PTCHD4: variants seen among roughly 807,000 people sequenced by gnomAD.
PTCHD4 encodes patched domain containing 4.
PTCHD4 carries 33 observed loss-of-function variants against 58.1 expected under a neutral mutation model. That is an observed-to-expected ratio of 0.57 (90% CI 0.43 to 0.76). PTCHD4 has a LOEUF of 0.76. Among genes scored for constraint, PTCHD4 ranks in the 30% least tolerant of loss-of-function variants. The pLI, the probability that PTCHD4 is intolerant of heterozygous loss-of-function variation, is 0.00. For synonymous variants in PTCHD4, 478 were observed against 409.6 expected, an observed-to-expected ratio of 1.17 and a Z score of -2.02; for missense variants, 1,058 against 1,027.1, an observed-to-expected ratio of 1.03 and a Z score of -0.41.
In PTCHD4 at chr6:47,959,585, A is replaced by G. The variant is rs1386253165; in HGVS notation, c.898+49049T>C. On this transcript the variant is annotated intron_variant, in intron 4 of 4. Transcript: ENST00000339488. ...CGCAAGAAACTCAAGTGAAAGGAAC[A>G]TGATGAAAACTACAGTGAGGTACAT... Among the ~76,000 whole-genome samples the G allele has an allele frequency of 3.3e-5, 5 of 152,320 alleles. No individual in the cohort carries two copies. The South Asian group carries it at 8.3e-4, about 25-fold the overall frequency.
At chr6:48,015,003 C>T (rs1456652065) in intron 3 of PTCHD4, among the ~76,000 whole-genome samples, 1 of 152,182 alleles carries the variant, frequency 6.6e-6, no homozygotes, top group Non-Finnish European at 1.5e-5. Context: ...ACTAAGGCAA[C>T]TGCCTAGCAA....
chr6:48,014,181 G>A (rs912421722), intron 3 of PTCHD4, among the ~76,000 whole-genome samples: 11 of 152,210 alleles, frequency 7.2e-5, no homozygotes, highest in Middle Eastern at 3.4e-3. Context: ...TTCTGGAATT[G>A]AAAGCTCCAT....
At chr6:48,083,763 C>T (rs1022755289) in intron 1 of PTCHD4, among the ~76,000 whole-genome samples, 1 of 152,140 alleles carries the variant, frequency 6.6e-6, no homozygotes, top group African/African-American at 2.4e-5. Flanking sequence ...AGATTAGCCC[C>T]TGGCTGACAG....
intron 1 of PTCHD4, among the ~76,000 whole-genome samples, chr6:48,097,635 C>T (rs1765501904): frequency 6.6e-6 from 1 of 152,172 alleles, no homozygotes; most frequent in South Asian, 2.1e-4. Flanking sequence ...TGACCAATTA[C>T]TCTATGTCTA....
chr6:47,857,875 A>C lies in PTCHD4; in HGVS notation c.*20428T>G, dbSNP rs1581789025. ...ACCTCCCAAAGTTAATTTCATTATAATAATTTTTTAGCAAACTGTAACTAT... is the reference window on the plus strand; with the variant it reads ...ACCTCCCAAAGTTAATTTCATTATACTAATTTTTTAGCAAACTGTAACTAT... On this transcript the variant is annotated 3_prime_UTR_variant, in exon 5 of 5. Transcript: ENST00000339488. Among the ~76,000 whole-genome samples, 1 of 151,994 alleles carries C rather than the reference A, an allele frequency of 6.6e-6. No homozygotes were observed. The highest frequency in any genetic ancestry group is 1.9e-4 in the East Asian group (1 of 5,170).
At chr6:47,943,994 T>G (rs189800745) in intron 4 of PTCHD4, among the ~76,000 whole-genome samples, 73 of 152,206 alleles carry the variant, frequency 4.8e-4, no homozygotes, top group African/African-American at 1.5e-3. Context: ...ATGATCAATC[T>G]TCAGGAATAG....
At chr6:47,971,279 A>G (rs1365832262) in intron 4 of PTCHD4, among the ~76,000 whole-genome samples, 1 of 152,206 alleles carries the variant, frequency 6.6e-6, no homozygotes, top group Non-Finnish European at 1.5e-5. Context: ...CGATTAAAAA[A>G]GGAACAATAA....
At chr6:48,043,210 C>T (rs923276788) in intron 3 of PTCHD4, among the ~76,000 whole-genome samples, 1 of 151,852 alleles carries the variant, frequency 6.6e-6, no homozygotes, top group African/African-American at 2.4e-5. Flanking sequence ...TGGAGAAATA[C>T]ACAAAAGTAT....
chr6:48,098,602 G>T (rs949013411), intron 1 of PTCHD4, among the ~76,000 whole-genome samples: 59 of 152,164 alleles, frequency 3.9e-4, no homozygotes, highest in African/African-American at 1.4e-3. Flanking sequence ...GCCTCCCAAA[G>T]TGCTGGGATT....
In PTCHD4 at chr6:48,072,218, C is replaced by A. The variant is rs532704065; in HGVS notation, c.-969-2292G>T. 4.6e-5 allele frequency among the ~76,000 whole-genome samples: 7 copies of A among 152,140 alleles called. No homozygotes were observed. The East Asian group carries it at 1.3e-3, about 29-fold the overall frequency. On this transcript the variant is annotated intron_variant, in intron 1 of 4. Coordinates refer to ENST00000339488, the MANE Select transcript of PTCHD4 (RefSeq NM_001384253.1). ...GTCCGTAATTTGCAAATCTTGTGCA[C>A]AAGATATTTGTCTATTTTCTCTATT...
chr6:47,857,282 C>G lies in PTCHD4; in HGVS notation c.*21021G>C, dbSNP rs1427644060. ...AGAAAACTGGAAATCTTATTTGTTT[C>G]CCTCCAGACTAGTAAGAACAGATGC... On this transcript the variant is annotated 3_prime_UTR_variant, in exon 5 of 5. Coordinates refer to ENST00000339488, the MANE Select transcript of PTCHD4 (RefSeq NM_001384253.1). Among the ~76,000 whole-genome samples, 1 of 151,990 alleles carries G rather than the reference C, an allele frequency of 6.6e-6. No homozygotes were observed. Among genetic ancestry groups the G allele is most frequent in the Non-Finnish European group, 1.5e-5 (1 of 67,982 alleles).
intron 4 of PTCHD4, among the ~76,000 whole-genome samples, chr6:47,903,891 G>A (rs1156864537): frequency 6.6e-6 from 1 of 152,204 alleles, no homozygotes; most frequent in African/African-American, 2.4e-5. Flanking sequence ...GCCAAGAAAG[G>A]TCTCACCATG....
chr6:47,927,877 C>T (rs1490089581), intron 4 of PTCHD4, among the ~76,000 whole-genome samples: 1 of 151,792 alleles, frequency 6.6e-6, no homozygotes, highest in African/African-American at 2.4e-5. Flanking sequence ...TCTGCCTCGG[C>T]CTTCTAAAGT....
chr6:48,080,088 A>G (rs895057361), intron 1 of PTCHD4, among the ~76,000 whole-genome samples: 16 of 150,420 alleles, frequency 1.1e-4, no homozygotes, highest in African/African-American at 3.9e-4. Flanking sequence ...CTTTGTTTCA[A>G]ATAGAGATTT....
chr6:47,944,294 G>A (rs145576364), intron 4 of PTCHD4, among the ~76,000 whole-genome samples: 1 of 152,122 alleles, frequency 6.6e-6, no homozygotes, highest in East Asian at 1.9e-4. Context: ...CATAAGTAAG[G>A]ATAACCCCTA....
chr6:48,002,425 A>T (rs1486965583), intron 4 of PTCHD4, among the ~76,000 whole-genome samples: 1 of 152,200 alleles, frequency 6.6e-6, no homozygotes, highest in Non-Finnish European at 1.5e-5. Flanking sequence ...AATACTATGC[A>T]GCCATAAAAA....
At chr6:48,013,132 T>C (rs1185237062) in intron 3 of PTCHD4, among the ~76,000 whole-genome samples, 2 of 152,130 alleles carry the variant, frequency 1.3e-5, no homozygotes, top group Admixed American at 1.3e-4. Flanking sequence ...TTGTTTGGAG[T>C]AGTTTCAGAA....
At chr6:48,013,044 C>G (rs1762739524) in intron 3 of PTCHD4, among the ~76,000 whole-genome samples, 1 of 151,906 alleles carries the variant, frequency 6.6e-6, no homozygotes, top group Non-Finnish European at 1.5e-5. Flanking sequence ...CCTTTTTTGG[C>G]TGGGTCTCTG....
chr6:48,036,037 AC>A lies in PTCHD4; in HGVS notation c.418-26924del, dbSNP rs1472739490. On this transcript the variant is annotated intron_variant, in intron 3 of 4. Coordinates refer to ENST00000339488, the MANE Select transcript of PTCHD4 (RefSeq NM_001384253.1). ...GTCATTGAATAACATTTTTTTTTTA[AC>A]AGATACACCCTCGAGCTTGAGAATC... Among the ~76,000 whole-genome samples, 22 of 151,952 alleles carry A rather than the reference AC, an allele frequency of 1.4e-4. No homozygotes were observed. The South Asian group carries it at 4.2e-3, about 29-fold the overall frequency.
Sources: allele counts gnomAD v4.1 joint callset (sites outside exome capture counted in the v4.1 genomes callset), GRCh38; gene constraint gnomAD v4.1.1; transcripts MANE v1.5; gene names NCBI Gene and HGNC (gene_info 2026-07-23, HGNC 2026-07-21).